Variants in RPGRIP1 observed in about 807,000 individuals in gnomAD.
RPGRIP1 encodes X-linked retinitis pigmentosa GTPase regulator-interacting protein 1.
RPGRIP1 carries 128 observed loss-of-function variants against 157.9 expected under a neutral mutation model. The observed-to-expected ratio is 0.81, with a 90% CI of 0.70 to 0.94. The LOEUF is 0.94. Ranked by LOEUF, RPGRIP1 falls within the 40% of genes least tolerant of loss-of-function variation. The pLI is 0.00. For synonymous variants in RPGRIP1, 554 were observed against 571.6 expected (o/e 0.97, Z 0.44); for missense variants, 1,486 against 1,545.8 (o/e 0.96, Z 0.65).
chr14:21,310,240 CTT>C (rs60849185), intron 7 of RPGRIP1, among the ~76,000 whole-genome samples: 37,759 of 146,598 alleles, frequency 0.26, 15,559 homozygotes, highest in East Asian at 0.5. Flanking sequence ...TATGATCATT[CTT>C]TTTTTTTTAC....
intron 4 of RPGRIP1, 69 bp from the exon 5 acceptor site, chr14:21,302,419 C>A (rs1174796659): frequency 1.3e-6 from 1 of 782,500 alleles, no homozygotes; most frequent in Non-Finnish European, 1.9e-6. Context: ...CCTTCATGTT[C>A]CAGTTTCAGT....
intron 8 of RPGRIP1, among the ~76,000 whole-genome samples, chr14:21,311,318 G>A (rs1383815149): frequency 6.6e-6 from 1 of 152,212 alleles, no homozygotes; most frequent in South Asian, 2.1e-4. Flanking sequence ...TGGGGAGGCG[G>A]AGGCGGGTGG....
intron 2 of RPGRIP1, among the ~76,000 whole-genome samples, chr14:21,290,774 G>A (rs112540005): frequency 0.18 from 26,876 of 150,582 alleles, 2,860 homozygotes; most frequent in East Asian, 0.29. Context: ...AGCCGAGATC[G>A]CGCCACTGCA....
intron 2 of RPGRIP1, among the ~76,000 whole-genome samples, chr14:21,291,909 G>A (rs776193564): frequency 6.6e-6 from 1 of 152,126 alleles, no homozygotes; most frequent in Non-Finnish European, 1.5e-5. Flanking sequence ...ACAGGCACGT[G>A]TCACCACACC....
intron 3 of RPGRIP1, among the ~76,000 whole-genome samples, chr14:21,296,037 G>C (rs1476964887): frequency 6.6e-6 from 1 of 151,852 alleles, no homozygotes; most frequent in East Asian, 1.9e-4. Flanking sequence ...CCAGGTTCAA[G>C]CAACTCTCCT....
chr14:21,319,056 A>G (rs1882106441), intron 11 of RPGRIP1, among the ~76,000 whole-genome samples: 1 of 152,160 alleles, frequency 6.6e-6, no homozygotes, highest in Non-Finnish European at 1.5e-5. Flanking sequence ...ATCAAGTTTT[A>G]GTGTATTCAA....
At position 21,334,713 on chromosome 14, in the gene RPGRIP1, CACT is replaced by C. The variant is rs2139288946; in HGVS notation, c.3339+9_3339+11del. On this transcript the variant is annotated intron_variant, in intron 21 of 24. Transcript: ENST00000400017. ...CAGAAATATCCTAAGGCAGTAAGTACACTGGAGTAATCATTGCATACGAGATAA... is the reference window on the plus strand; with the variant it reads ...CAGAAATATCCTAAGGCAGTAAGTACGGAGTAATCATTGCATACGAGATAA... 2 of 1,518,176 alleles carry C rather than the reference CACT, an allele frequency of 1.3e-6. No individual in the cohort carries two copies. The allele number at this position is 1,518,176 out of a possible 1,614,324, so 94.0% of individuals were successfully genotyped here. A position where few individuals can be genotyped will look rare whatever the true frequency, so the allele number is the denominator to read the frequency against.
At chr14:21,298,929 G>T (rs1880908665) in intron 3 of RPGRIP1, among the ~76,000 whole-genome samples, 1 of 129,124 alleles carries the variant, frequency 7.7e-6, no homozygotes, top group Admixed American at 8.7e-5. Flanking sequence ...AACAGAGTGA[G>T]ACTCTGTCTC....
intron 6 of RPGRIP1, among the ~76,000 whole-genome samples, chr14:21,305,071 G>A (rs1461456590): frequency 1.3e-5 from 2 of 152,178 alleles, no homozygotes; most frequent in African/African-American, 2.4e-5. Context: ...CAAAGTGCTG[G>A]GATTACAGGC....
Position 21,294,768 on chromosome 14 carries a change from G to C in RPGRIP1, c.177G>C (p.Leu59Phe). ...TTCGACTTCGCGAAGATCACATGTT[G>C]GTGAAGGAGCTTTCTTGGAAGCAAC... ...SFFRLREDHM[L>F]VKELSWKQQD... is the part of the protein sequence containing the mutation. The change falls in exon 3 of 25, where the codon TTG becomes TTC. Residue 59 changes from leucine (L) to phenylalanine (F), a missense_variant. Physicochemically the swap from Leu to Phe is conservative, Grantham distance 22. Coordinates refer to ENST00000400017, the MANE Select transcript of RPGRIP1 (RefSeq NM_020366.4). 1.2e-6 allele frequency: 2 copies of C among 1,608,840 alleles called. No homozygotes were observed. The highest frequency in any genetic ancestry group is 1.7e-6 in the Non-Finnish European group (2 of 1,177,432).
chr14:21,301,691 A>G (rs1881037067), intron 4 of RPGRIP1, among the ~76,000 whole-genome samples: 1 of 99,328 alleles, frequency 1.0e-5, no homozygotes, highest in African/African-American at 4.4e-5. Context: ...AATAATAATA[A>G]TAATAATAAT....
At chr14:21,319,884 A>T in intron 11 of RPGRIP1, 133 bp from the exon 12 acceptor site, 1 of 899,594 alleles carries the variant, frequency 1.1e-6, no homozygotes, top group Non-Finnish European at 1.7e-6. Flanking sequence ...CTGTAGAAAT[A>T]ATAGAGAATT....
intron 24 of RPGRIP1, 104 bp downstream of exon 24, chr14:21,348,406 C>G: frequency 1.1e-6 from 1 of 889,668 alleles, no homozygotes; most frequent in Non-Finnish European, 1.6e-6. Flanking sequence ...GTTGATAAGA[C>G]ACAAAGTGGA....
chr14:21,282,003 G>A (rs890615114), intron 1 of RPGRIP1, among the ~76,000 whole-genome samples: 1 of 152,088 alleles, frequency 6.6e-6, no homozygotes, highest in African/African-American at 2.4e-5. Context: ...GCTGAGACAG[G>A]AGAATCGCTT....
At chr14:21,316,402 C>G (rs969287561) in intron 10 of RPGRIP1, among the ~76,000 whole-genome samples, 5 of 151,852 alleles carry the variant, frequency 3.3e-5, no homozygotes, top group Admixed American at 3.3e-4. Flanking sequence ...GGGAACCATC[C>G]AGCCTGGCCG....
chr14:21,321,978 TAAG>T lies in RPGRIP1; in HGVS notation c.1740_1742del (p.Arg580del). ...CGTATCAAGCAGCTGGAAGGTATTT[TAAG>T]AAGCCATGACCTTCCAACATCTGGC... On this transcript the variant is annotated inframe_deletion, in exon 14 of 25. Transcript: ENST00000400017. The T allele has an allele frequency of 6.2e-7, 1 of 1,613,666 alleles. No individual in the cohort carries two copies. The highest frequency in any genetic ancestry group is 8.5e-7 in the Non-Finnish European group (1 of 1,179,758).
Position 21,338,997 on chromosome 14 carries a change from G to A in RPGRIP1, c.3340-4039G>A, listed in dbSNP as rs58117754. Among the ~76,000 whole-genome samples, 940 of 152,178 alleles carry A rather than the reference G, an allele frequency of 6.2e-3. 8 individuals carry two copies. Among genetic ancestry groups the A allele is most frequent in the African/African-American group, 0.022 (895 of 41,514 alleles). ...ACAAAAATACAAAAATTAGCCGGGC[G>A]TGATGACGGGTGCCTGTAATCCCAG... On this transcript the variant is annotated intron_variant, in intron 21 of 24. Transcript: ENST00000400017.
At chr14:21,285,135 G>T (rs146937881) in intron 1 of RPGRIP1, among the ~76,000 whole-genome samples, 44 of 152,036 alleles carry the variant, frequency 2.9e-4, no homozygotes, top group Non-Finnish European at 5.0e-4. Context: ...ATAAATGAAG[G>T]TAGTTTCTGT....
intron 8 of RPGRIP1, 88 bp downstream of exon 8, chr14:21,310,695 A>C (rs956480934): frequency 1.1e-5 from 8 of 730,932 alleles, no homozygotes; most frequent in Non-Finnish European, 1.9e-5. Flanking sequence ...GTAACATAAC[A>C]CCAGAATTTA....
Sources: gnomAD v4.1 joint callset for allele counts (sites outside exome capture counted in the v4.1 genomes callset) on GRCh38, gnomAD v4.1.1 for gene constraint, MANE v1.5 for transcripts, NCBI Gene and HGNC (gene_info 2026-07-23, HGNC 2026-07-21) for gene names.